The following HMGA2 variants were observed in gnomAD, a reference collection of about 807,000 sequenced individuals.
HMGA2 encodes high mobility group protein HMGI-C.
Under a neutral mutation model 19.1 loss-of-function variants are expected in HMGA2, and 8 were observed. That is an observed-to-expected ratio of 0.42 (90% CI 0.25 to 0.76). The LOEUF (loss-of-function observed/expected upper bound fraction) is 0.76. HMGA2 is among the 30% of genes least tolerant of loss of function. The probability of loss-of-function intolerance (pLI) is 0.28; values close to 1 mark genes in which losing one functional copy is unlikely to be tolerated. For synonymous variants in HMGA2, 60 were observed against 48.8 expected, an observed-to-expected ratio of 1.23 and a Z score of -0.96; for missense variants, 109 against 136.3, an observed-to-expected ratio of 0.80 and a Z score of 1.00.
intron 2 of HMGA2, among the ~76,000 whole-genome samples, chr12:65,836,685 C>A (rs1870743174): frequency 1.3e-5 from 2 of 152,194 alleles, no homozygotes; most frequent in African/African-American, 2.4e-5. Flanking sequence ...TCTGGGCTTT[C>A]GCTAAATTCA....
At chr12:65,888,468 A>G (rs1565722258) in intron 3 of HMGA2, among the ~76,000 whole-genome samples, 1 of 150,996 alleles carries the variant, frequency 6.6e-6, no homozygotes, top group Non-Finnish European at 1.5e-5. Flanking sequence ...CAAAAAAAGA[A>G]AGAAAAGAAA....
At chr12:65,940,079 T>A (rs1876040171) in intron 3 of HMGA2, among the ~76,000 whole-genome samples, 1 of 151,826 alleles carries the variant, frequency 6.6e-6, no homozygotes, top group Admixed American at 6.6e-5. Flanking sequence ...ATTTGTAACA[T>A]AATCAAATAT....
At chr12:65,827,433 A>G (rs1043085951) in intron 1 of HMGA2, among the ~76,000 whole-genome samples, 1 of 152,168 alleles carries the variant, frequency 6.6e-6, no homozygotes, top group Non-Finnish European at 1.5e-5. Flanking sequence ...TTTTAGGGGG[A>G]ATGGAGTTAT....
chr12:65,838,613 A>C, intron 3 of HMGA2, 44 bp downstream of exon 3: 1 of 1,396,032 alleles, frequency 7.2e-7, no homozygotes, highest in South Asian at 1.2e-5. Flanking sequence ...TTAAAGAAAA[A>C]TTTCTGTTGT....
intron 2 of HMGA2, among the ~76,000 whole-genome samples, chr12:65,829,403 T>TA (rs1870376308): frequency 6.6e-6 from 1 of 152,144 alleles, no homozygotes; most frequent in Non-Finnish European, 1.5e-5. Flanking sequence ...TCTGGTATTT[T>TA]TAATATGAAT....
chr12:65,921,512 G>T lies in HMGA2; in HGVS notation c.250-29871G>T, dbSNP rs529160153. Among the ~76,000 whole-genome samples, 293 of 152,342 alleles carry T rather than the reference G, an allele frequency of 1.9e-3. 1 individual carries two copies. Among genetic ancestry groups the T allele is most frequent in the Middle Eastern group, 0.01 (3 of 294 alleles). ...CCCGCCCGCCTTGGCCTCCCAAAGT[G>T]CTGGGATTACAGGCGTGAGCCACTG... is the stretch of plus-strand genomic sequence containing the variant. On this transcript the variant is annotated intron_variant, in intron 3 of 4. Coordinates refer to ENST00000403681, the MANE Select transcript of HMGA2 (RefSeq NM_003483.6).
chr12:65,824,736 T>TCTCC lies in HMGA2; in HGVS notation c.-532_-531insCCTC, dbSNP rs1456620050. 1 of 218,336 alleles carries TCTCC rather than the reference T, an allele frequency of 4.6e-6. No individual in the cohort carries two copies. The highest frequency in any genetic ancestry group is 6.2e-5 in the East Asian group (1 of 16,136). 13.5% of individuals were successfully genotyped at this position (218,336 alleles called of 1,614,324 possible). The stretch of plus-strand genomic sequence containing the variant: ...TCTTCTCTCTCTCTCTCTCTCTCTC[T>TCTCC]CTCTCTCTCTCTCTCTCTCTCTCTC... On this transcript the variant is annotated 5_prime_UTR_variant, in exon 1 of 5. Coordinates refer to ENST00000403681, the MANE Select transcript of HMGA2 (RefSeq NM_003483.6).
At chr12:65,915,422 G>T in intron 3 of HMGA2, 2 of 1,271,544 alleles carry the variant, frequency 1.6e-6, no homozygotes, top group Non-Finnish European at 1.0e-6. Context: ...GAGAGTAGAG[G>T]GTGGGCTGAA....
chr12:65,854,441 A>T (rs1439892106), intron 3 of HMGA2, among the ~76,000 whole-genome samples: 2 of 152,184 alleles, frequency 1.3e-5, no homozygotes, highest in East Asian at 3.9e-4. Context: ...TAGGATGTTG[A>T]CATTCACACA....
chr12:65,942,109 C>T (rs535323296), intron 3 of HMGA2, among the ~76,000 whole-genome samples: 1 of 152,266 alleles, frequency 6.6e-6, no homozygotes, highest in South Asian at 2.1e-4. Context: ...TCTCCAATAG[C>T]ATCTAATTTC....
intron 3 of HMGA2, among the ~76,000 whole-genome samples, chr12:65,909,276 C>T (rs1266757865): frequency 1.3e-5 from 2 of 152,062 alleles, no homozygotes; most frequent in East Asian, 1.9e-4. Flanking sequence ...CTGGGAACTG[C>T]CCCATTTAAT....
intron 3 of HMGA2, among the ~76,000 whole-genome samples, chr12:65,949,740 A>G (rs1481820759): frequency 6.6e-6 from 1 of 152,246 alleles, no homozygotes; most frequent in Non-Finnish European, 1.5e-5. Flanking sequence ...ATAACACAAT[A>G]TAACACAATA....
Position 65,965,236 on chromosome 12 carries a change from G to A in HMGA2, c.*1944G>A. ...TCAAAAATATGTGTTTTTAAGATTA[G>A]TTGAATATAAGAAAATGCTTGACAA... On this transcript the variant is annotated 3_prime_UTR_variant, in exon 5 of 5. Transcript: ENST00000403681. 1 of 202,022 alleles carries A rather than the reference G, an allele frequency of 4.9e-6. No homozygotes were observed. Among genetic ancestry groups the A allele is most frequent in the Admixed American group, 6.0e-5 (1 of 16,730 alleles). The allele number at this position is 202,022 out of a possible 1,614,324, so 12.5% of individuals were successfully genotyped here.
intron 3 of HMGA2, among the ~76,000 whole-genome samples, chr12:65,855,128 G>A (rs1871664907): frequency 6.6e-6 from 1 of 152,076 alleles, no homozygotes; most frequent in East Asian, 1.9e-4. Context: ...TTGCCCTTTG[G>A]GATATATTGA....
intron 3 of HMGA2, among the ~76,000 whole-genome samples, chr12:65,841,426 G>A (rs1402763877): frequency 6.6e-6 from 1 of 152,192 alleles, no homozygotes; most frequent in Non-Finnish European, 1.5e-5. Flanking sequence ...AAAGGAAATT[G>A]TATATTTTTT....
At chr12:65,923,457 G>T (rs1875392522) in intron 3 of HMGA2, among the ~76,000 whole-genome samples, 1 of 152,180 alleles carries the variant, frequency 6.6e-6, no homozygotes. Flanking sequence ...TCAGACTATT[G>T]TCAGTTCCTG....
chr12:65,850,930 G>A (rs1034803522), intron 3 of HMGA2, among the ~76,000 whole-genome samples: 5 of 152,162 alleles, frequency 3.3e-5, no homozygotes, highest in Admixed American at 2.0e-4. Flanking sequence ...ATTCAACCTA[G>A]AATTTCTCCT....
intron 3 of HMGA2, among the ~76,000 whole-genome samples, chr12:65,845,314 G>A (rs1565705581): frequency 6.6e-6 from 1 of 152,250 alleles, no homozygotes; most frequent in East Asian, 1.9e-4. Flanking sequence ...TGTCACCCAG[G>A]TTGGAGTGCA....
chr12:65,904,941 C>T (rs1391655581), intron 3 of HMGA2, among the ~76,000 whole-genome samples: 1 of 151,910 alleles, frequency 6.6e-6, no homozygotes, highest in East Asian at 1.9e-4. Context: ...ACTTGGGAGG[C>T]TGAGGCACGA....
Sources: gnomAD v4.1 joint callset for allele counts (sites outside exome capture counted in the v4.1 genomes callset) on GRCh38, gnomAD v4.1.1 for gene constraint, MANE v1.5 for transcripts, NCBI Gene and HGNC (gene_info 2026-07-23, HGNC 2026-07-21) for gene names.